Variants in RBMS3 observed in about 807,000 individuals in gnomAD.
The protein encoded by RBMS3 is RNA-binding motif, single-stranded-interacting protein 3.
RBMS3 carries 27 observed loss-of-function variants against 66.8 expected under a neutral mutation model. The observed-to-expected ratio is 0.40, with a 90% confidence interval of 0.30 to 0.56. The LOEUF is 0.56. Ranked by LOEUF, RBMS3 falls within the 20% of genes least tolerant of loss-of-function variation. The probability of loss-of-function intolerance (pLI) is 0.40; values close to 1 mark genes in which losing one functional copy is unlikely to be tolerated. For synonymous variants in RBMS3, 188 were observed against 183.0 expected (o/e 1.03, Z -0.22); for missense variants, 513 against 549.5 (o/e 0.93, Z 0.66).
intron 4 of RBMS3, chr3:29,616,924 T>C (rs1472488408): frequency 6.6e-6 from 1 of 152,166 alleles, no homozygotes; most frequent in African/African-American, 2.4e-5. Context: ...GAGAAATATA[T>C]ACAGGTGGAA....
At chr3:29,320,911 A>G (rs868316301) in intron 1 of RBMS3, among the ~76,000 whole-genome samples, 65 of 151,306 alleles carry the variant, frequency 4.3e-4, no homozygotes, top group African/African-American at 1.6e-3. Context: ...TGGCTCCAGT[A>G]CTCTGTTTTT....
At chr3:29,711,931 A>G (rs2053187437) in intron 4 of RBMS3, among the ~76,000 whole-genome samples, 1 of 152,198 alleles carries the variant, frequency 6.6e-6, no homozygotes, top group South Asian at 2.1e-4. Context: ...ATGGATGACA[A>G]CTGCTCATGT....
At chr3:29,926,926 A>C (rs1172832018) in intron 10 of RBMS3, 2 of 152,252 alleles carry the variant, frequency 1.3e-5, no homozygotes, top group Admixed American at 6.5e-5. Flanking sequence ...CTACTAAAAC[A>C]GTTCATGGCA....
At chr3:29,891,421 A>G (rs967748419) in intron 8 of RBMS3, among the ~76,000 whole-genome samples, 1 of 151,590 alleles carries the variant, frequency 6.6e-6, no homozygotes, top group Non-Finnish European at 1.5e-5. Context: ...AAAAGTAAAA[A>G]TCGTAGTACT....
chr3:29,295,782 A>G (rs1437137345), intron 1 of RBMS3, among the ~76,000 whole-genome samples: 2 of 151,724 alleles, frequency 1.3e-5, no homozygotes, highest in East Asian at 1.9e-4. Context: ...TTTTATTGCC[A>G]TCATTTTGCC....
intron 1 of RBMS3, among the ~76,000 whole-genome samples, chr3:29,336,539 C>T (rs540201757): frequency 2.0e-5 from 3 of 152,038 alleles, no homozygotes; most frequent in African/African-American, 4.8e-5. Flanking sequence ...GACTTTATTG[C>T]GGAACGAAAG....
In RBMS3 at chr3:29,468,335, A is replaced by C. The variant is rs554655364; in HGVS notation, c.249-20106A>C. Among the ~76,000 whole-genome samples the C allele has an allele frequency of 7.9e-5, 12 of 152,228 alleles. No individual in the cohort carries two copies. The South Asian group carries it at 2.5e-3, about 32-fold the overall frequency. ...CCCAGAAGGCTTGCGGTTTGATGGG[A>C]CTTAAGCTTGTTTAGATAACTGCAC... is the stretch of plus-strand genomic sequence containing the variant. On this transcript the variant is annotated intron_variant, in intron 2 of 14. Coordinates refer to ENST00000383767, the MANE Select transcript of RBMS3 (RefSeq NM_001003793.3).
intron 4 of RBMS3, among the ~76,000 whole-genome samples, chr3:29,654,520 TCGTGTGTGTG>T (rs2050253444): frequency 9.2e-6 from 1 of 109,182 alleles, no homozygotes; most frequent in Admixed American, 1.0e-4. Flanking sequence ...TGAATTGGAT[TCGTGTGTGTG>T]TGTGTGTGTG....
intron 12 of RBMS3, among the ~76,000 whole-genome samples, chr3:29,972,826 C>T (rs1306887768): frequency 5.9e-5 from 9 of 152,024 alleles, no homozygotes; most frequent in African/African-American, 2.2e-4. Context: ...TTACCAAGCC[C>T]AATCTAATGC....
At chr3:29,439,022 A>C (rs935685018) in intron 2 of RBMS3, among the ~76,000 whole-genome samples, 2 of 152,208 alleles carry the variant, frequency 1.3e-5, no homozygotes, top group African/African-American at 4.8e-5. Flanking sequence ...AGATTTAACT[A>C]ATCTAGAAAA....
At chr3:29,519,419 A>G (rs1044517346) in intron 3 of RBMS3, among the ~76,000 whole-genome samples, 3 of 152,184 alleles carry the variant, frequency 2.0e-5, no homozygotes, top group Non-Finnish European at 4.4e-5. Context: ...AACGACCTCC[A>G]AGCAACTGTC....
intron 1 of RBMS3, among the ~76,000 whole-genome samples, chr3:29,368,811 C>A (rs944686693): frequency 2.0e-5 from 3 of 152,086 alleles, no homozygotes; most frequent in Non-Finnish European, 2.9e-5. Flanking sequence ...ACCCAGCAAT[C>A]CCATTACTGA....
At chr3:29,328,389 T>C (rs898253074) in intron 1 of RBMS3, among the ~76,000 whole-genome samples, 9 of 152,172 alleles carry the variant, frequency 5.9e-5, no homozygotes, top group Admixed American at 5.9e-4. Context: ...TTTTAAAGCT[T>C]GTGGAATGAA....
intron 12 of RBMS3, among the ~76,000 whole-genome samples, chr3:29,949,543 C>T (rs111861325): frequency 0.019 from 2,919 of 151,804 alleles, 87 homozygotes; most frequent in African/African-American, 0.065. Context: ...CACTGATATT[C>T]TTTATAATAC....
In RBMS3 at chr3:29,281,303, G is replaced by A; in HGVS notation, c.-379G>A. ...GCAAGGATTCGGAGTTGTGCTAAAA[G>A]GACTTTGATTTTTTTCCCCCTTTAC... On this transcript the variant is annotated 5_prime_UTR_variant, in exon 1 of 15. Coordinates refer to ENST00000383767, the MANE Select transcript of RBMS3 (RefSeq NM_001003793.3). The A allele has an allele frequency of 7.4e-6, 1 of 135,270 alleles. No homozygotes were observed. The allele number at this position is 135,270 out of a possible 1,614,324, so 8.4% of individuals were successfully genotyped here.
intron 4 of RBMS3, among the ~76,000 whole-genome samples, chr3:29,635,427 C>T (rs2049439456): frequency 6.6e-6 from 1 of 151,808 alleles, no homozygotes; most frequent in Non-Finnish European, 1.5e-5. Context: ...TGACCGAATC[C>T]ATTAGGAAAT....
chr3:29,709,999 A>G (rs1182704685), intron 4 of RBMS3, among the ~76,000 whole-genome samples: 1 of 152,246 alleles, frequency 6.6e-6, no homozygotes, highest in African/African-American at 2.4e-5. Flanking sequence ...ACCATTTTTC[A>G]GATGACATTC....
chr3:29,741,049 A>G (rs961362593), intron 5 of RBMS3, among the ~76,000 whole-genome samples: 54 of 151,984 alleles, frequency 3.6e-4, no homozygotes, highest in Non-Finnish European at 6.2e-4. Flanking sequence ...TCAAAAAAAA[A>G]AAAAAAAGAA....
At chr3:29,448,979 C>G (rs1308177407) in intron 2 of RBMS3, among the ~76,000 whole-genome samples, 1 of 152,118 alleles carries the variant, frequency 6.6e-6, no homozygotes, top group Non-Finnish European at 1.5e-5. Context: ...GTAATAAACA[C>G]TTAAGTTGTT....
Sources: allele counts gnomAD v4.1 joint callset (sites outside exome capture counted in the v4.1 genomes callset), GRCh38; gene constraint gnomAD v4.1.1; transcripts MANE v1.5; gene names NCBI Gene and HGNC (gene_info 2026-07-23, HGNC 2026-07-21).